Variants in ARHGAP12 observed in about 807,000 individuals in gnomAD.
ARHGAP12 encodes Rho GTPase activating protein 12, also known as rho GTPase-activating protein 12.
A neutral mutation model predicts 108.6 loss-of-function variants in ARHGAP12; 64 were observed. The ratio of observed to expected loss-of-function variants is 0.59; its 90% CI spans 0.48 to 0.73. The LOEUF is 0.73. Among genes scored for constraint, ARHGAP12 ranks in the 30% least tolerant of loss-of-function variants. The pLI, the probability that ARHGAP12 is intolerant of heterozygous loss-of-function variation, is 0.00. For synonymous variants in ARHGAP12, 312 were observed against 337.2 expected (o/e 0.93, Z 0.82); for missense variants, 940 against 1,005.9 (o/e 0.93, Z 0.89).
chr10:31,851,733 C>G, intron 6 of ARHGAP12, among the ~76,000 whole-genome samples: 1 of 152,040 alleles, frequency 6.6e-6, no homozygotes, highest in East Asian at 1.9e-4. Context: ...GTAGTAACAT[C>G]TAGTCATTTT....
At chr10:31,848,375 C>A (rs1836542263) in intron 6 of ARHGAP12, among the ~76,000 whole-genome samples, 1 of 152,112 alleles carries the variant, frequency 6.6e-6, no homozygotes, top group African/African-American at 2.4e-5. Context: ...TTTATTTATC[C>A]TTGACAGCAT....
intron 13 of ARHGAP12, among the ~76,000 whole-genome samples, chr10:31,817,206 CA>C (rs368475959): frequency 4.2e-4 from 59 of 142,168 alleles, no homozygotes; most frequent in Middle Eastern, 7.2e-3. Context: ...GACTCTGTTT[CA>C]AAAAAAAAAA....
At chr10:31,839,380 T>TCTGTC in intron 8 of ARHGAP12, 61 bp from the exon 9 acceptor site, 1 of 1,508,028 alleles carries the variant, frequency 6.6e-7, no homozygotes, top group Non-Finnish European at 9.0e-7. Context: ...TATATTTATT[T>TCTGTC]TTAAAAACAA....
intron 3 of ARHGAP12, among the ~76,000 whole-genome samples, chr10:31,882,806 C>A (rs1838026112): frequency 7.7e-6 from 1 of 130,190 alleles, no homozygotes; most frequent in South Asian, 2.6e-4. Context: ...GAGCAAGACT[C>A]TGTCTCTTAA....
chr10:31,840,078 C>T (rs1455627043), intron 7 of ARHGAP12, among the ~76,000 whole-genome samples: 8 of 151,966 alleles, frequency 5.3e-5, no homozygotes, highest in Non-Finnish European at 8.8e-5. Context: ...TACTAACTTG[C>T]TCTTGGTATG....
chr10:31,896,630 A>G (rs900684790), intron 3 of ARHGAP12, among the ~76,000 whole-genome samples: 3 of 152,192 alleles, frequency 2.0e-5, no homozygotes, highest in African/African-American at 7.2e-5. Context: ...GGGGAAAAAA[A>G]GGGCTTCAGC....
At chr10:31,844,467 C>T (rs1836376854) in intron 6 of ARHGAP12, among the ~76,000 whole-genome samples, 4 of 152,080 alleles carry the variant, frequency 2.6e-5, no homozygotes, top group Admixed American at 1.3e-4. Flanking sequence ...CTTACTTAGT[C>T]CATGCTTACC....
intron 7 of ARHGAP12, among the ~76,000 whole-genome samples, chr10:31,840,870 A>G (rs1477776777): frequency 6.6e-6 from 1 of 152,128 alleles, no homozygotes; most frequent in Non-Finnish European, 1.5e-5. Context: ...GAAAATATTA[A>G]AATCACATTG....
Position 31,843,587 on chromosome 10 carries a change from C to G in ARHGAP12, c.1171-1G>C. 1 of 1,587,060 alleles carries G rather than the reference C, an allele frequency of 6.3e-7. No homozygotes were observed. The highest frequency in any genetic ancestry group is 8.5e-7 in the Non-Finnish European group (1 of 1,172,524). On this transcript the variant is annotated splice_acceptor_variant, in intron 6 of 19. Coordinates refer to ENST00000344936, the MANE Select transcript of ARHGAP12 (RefSeq NM_018287.7). LOFTEE classifies it high-confidence loss of function. ...TTTGCTGCTGGGATGAAGCATTATA[C>G]TAAAACAAAACAAAGCAAAAAACAC...
At chr10:31,903,273 C>T (rs1409020716) in intron 3 of ARHGAP12, among the ~76,000 whole-genome samples, 2 of 152,074 alleles carry the variant, frequency 1.3e-5, no homozygotes, top group Non-Finnish European at 2.9e-5. Context: ...ATACTGTAGG[C>T]AACTGGAACA....
intron 9 of ARHGAP12, among the ~76,000 whole-genome samples, chr10:31,835,875 T>G (rs1835996365): frequency 6.6e-6 from 1 of 152,132 alleles, no homozygotes; most frequent in African/African-American, 2.4e-5. Flanking sequence ...GAGTGACTTT[T>G]AATGGGTATG....
intron 3 of ARHGAP12, among the ~76,000 whole-genome samples, chr10:31,903,090 C>A (rs1416765683): frequency 3.3e-5 from 5 of 152,182 alleles, no homozygotes. Flanking sequence ...GGACTTCATG[C>A]ATCACTTAAC....
chr10:31,861,361 G>C (rs1837105815), intron 4 of ARHGAP12, 34 bp downstream of exon 4: 1 of 1,556,948 alleles, frequency 6.4e-7, no homozygotes, highest in Admixed American at 2.1e-5. Flanking sequence ...GAGAAAATCT[G>C]GTAACTTGCA....
chr10:31,870,380 G>T (rs1221554300), intron 3 of ARHGAP12, among the ~76,000 whole-genome samples: 1 of 151,828 alleles, frequency 6.6e-6, no homozygotes, highest in Admixed American at 6.6e-5. Flanking sequence ...ACAGGCATGC[G>T]CCACCCCACC....
chr10:31,850,035 A>G (rs977962771), intron 6 of ARHGAP12, among the ~76,000 whole-genome samples: 2 of 152,146 alleles, frequency 1.3e-5, no homozygotes, highest in African/African-American at 4.8e-5. Context: ...TCTCCCTTCA[A>G]AGGACCCTGA....
At chr10:31,846,898 CA>C (rs1432987063) in intron 6 of ARHGAP12, among the ~76,000 whole-genome samples, 2 of 109,726 alleles carry the variant, frequency 1.8e-5, no homozygotes, top group Admixed American at 9.2e-5. Flanking sequence ...AGGCACTGTT[CA>C]TTTTTTTTTT....
At chr10:31,885,340 G>A (rs936551781) in intron 3 of ARHGAP12, among the ~76,000 whole-genome samples, 7 of 152,170 alleles carry the variant, frequency 4.6e-5, no homozygotes, top group Non-Finnish European at 1.0e-4. Flanking sequence ...CAGCTGTGAA[G>A]AAAACACACG....
intron 3 of ARHGAP12, among the ~76,000 whole-genome samples, chr10:31,897,976 A>G (rs981037064): frequency 2.0e-5 from 3 of 151,840 alleles, no homozygotes; most frequent in Admixed American, 6.6e-5. Context: ...AAATACAAAA[A>G]CTAGCCAGGC....
chr10:31,908,042 G>C, intron 3 of ARHGAP12, 130 bp downstream of exon 3: 1 of 847,142 alleles, frequency 1.2e-6, no homozygotes, highest in South Asian at 2.2e-5. Flanking sequence ...TCTAAATCAG[G>C]ATAGAACCCA....
Sources: allele counts gnomAD v4.1 joint callset (sites outside exome capture counted in the v4.1 genomes callset), GRCh38; gene constraint gnomAD v4.1.1; transcripts MANE v1.5; gene names NCBI Gene and HGNC (gene_info 2026-07-23, HGNC 2026-07-21).